The following ZNF704 variants were observed in gnomAD, a reference collection of about 807,000 sequenced individuals.
ZNF704 encodes glucocorticoid induced gene 1.
In ZNF704, 10 loss-of-function variants were observed where a neutral mutation model predicts 44.7. That is an observed-to-expected ratio of 0.22 (90% CI 0.14 to 0.38). ZNF704 has a LOEUF of 0.38. Ranked by LOEUF, ZNF704 falls within the 10% of genes least tolerant of loss-of-function variation. The pLI is 1.00. For synonymous variants in ZNF704, 211 were observed against 207.6 expected, an observed-to-expected ratio of 1.02 and a Z score of -0.14; for missense variants, 390 against 545.5, an observed-to-expected ratio of 0.71 and a Z score of 2.84.
chr8:80,644,656 A>G (rs1464008708), intron 7 of ZNF704, among the ~76,000 whole-genome samples: 1 of 152,162 alleles, frequency 6.6e-6, no homozygotes, highest in African/African-American at 2.4e-5. Flanking sequence ...TGCTTCCTCC[A>G]TCTGCCAAGT....
chr8:80,710,477 T>A (rs978290397), intron 2 of ZNF704, among the ~76,000 whole-genome samples: 1 of 152,102 alleles, frequency 6.6e-6, no homozygotes, highest in Non-Finnish European at 1.5e-5. Context: ...ACAGTATGTA[T>A]GTGTTACGAC....
chr8:80,858,392 T>G (rs771804389), intron 1 of ZNF704, among the ~76,000 whole-genome samples: 2 of 152,250 alleles, frequency 1.3e-5, no homozygotes, highest in Non-Finnish European at 2.9e-5. Flanking sequence ...TAAACTATTT[T>G]ACTAATCACT....
At chr8:80,774,081 T>G (rs545834055) in intron 2 of ZNF704, among the ~76,000 whole-genome samples, 6 of 151,566 alleles carry the variant, frequency 4.0e-5, no homozygotes, top group Admixed American at 3.9e-4. Flanking sequence ...AGGGTCTCAC[T>G]CTGTTGCGCC....
intron 7 of ZNF704, among the ~76,000 whole-genome samples, chr8:80,652,928 T>C (rs958369363): frequency 1.4e-4 from 21 of 152,200 alleles, no homozygotes; most frequent in Non-Finnish European, 1.9e-4. Flanking sequence ...AATAAAATAC[T>C]GGCAAACCAA....
intron 1 of ZNF704, among the ~76,000 whole-genome samples, chr8:80,849,398 G>A (rs955352410): frequency 6.6e-6 from 1 of 152,068 alleles, no homozygotes; most frequent in African/African-American, 2.4e-5. Context: ...CCTCCTCACG[G>A]CAAGCACAGC....
chr8:80,861,177 A>G (rs1450298821), intron 1 of ZNF704, among the ~76,000 whole-genome samples: 3 of 152,210 alleles, frequency 2.0e-5, no homozygotes, highest in Admixed American at 6.5e-5. Context: ...AGAAAGAGTG[A>G]GGAAAGAAAA....
At chr8:80,816,763 A>G (rs1319415344) in intron 2 of ZNF704, among the ~76,000 whole-genome samples, 1 of 152,226 alleles carries the variant, frequency 6.6e-6, no homozygotes, top group Non-Finnish European at 1.5e-5. Context: ...GTGCTCTCAC[A>G]TACTCTTGCC....
At chr8:80,883,942 C>T in the ZNF704 span, among the ~76,000 whole-genome samples, 1 of 152,180 alleles carries the variant, frequency 6.6e-6, no homozygotes, top group Admixed American at 6.5e-5. Context: ...TCAAGCTCTT[C>T]CAGGGGAAGA....
At chr8:80,771,475 G>C (rs932999108) in intron 2 of ZNF704, among the ~76,000 whole-genome samples, 1 of 152,086 alleles carries the variant, frequency 6.6e-6, no homozygotes, top group Admixed American at 6.5e-5. Context: ...AAATGATACT[G>C]TATTTTAAAT....
intron 2 of ZNF704, among the ~76,000 whole-genome samples, chr8:80,709,313 G>A (rs937856562): frequency 6.6e-6 from 1 of 151,658 alleles, no homozygotes; most frequent in Non-Finnish European, 1.5e-5. Flanking sequence ...GCATGGTGGC[G>A]GGCGCGTGTA....
chr8:80,833,803 A>G (rs367641609), intron 1 of ZNF704, among the ~76,000 whole-genome samples: 2 of 152,276 alleles, frequency 1.3e-5, no homozygotes, highest in East Asian at 1.9e-4. Flanking sequence ...GCACTGGTTT[A>G]ATCATAGGGC....
intron 2 of ZNF704, among the ~76,000 whole-genome samples, chr8:80,747,650 A>G (rs926270422): frequency 1.3e-5 from 2 of 152,368 alleles, no homozygotes; most frequent in African/African-American, 4.8e-5. Context: ...ATCAGCAATT[A>G]TGATGAAAGC....
At position 80,862,206 on chromosome 8, in the gene ZNF704, A is replaced by T. The variant is rs73270387; in HGVS notation, c.-22+12365T>A. ...AAAAAATGACTTTTTCAAACATCAA[A>T]CCATTAACTTGTAAATGAATTTAAC... is the stretch of plus-strand genomic sequence containing the variant. On this transcript the variant is annotated intron_variant, in intron 1 of 8. Coordinates refer to ENST00000327835, the MANE Select transcript of ZNF704 (RefSeq NM_001033723.3). Among the ~76,000 whole-genome samples, 546 of 151,636 alleles carry T rather than the reference A, an allele frequency of 3.6e-3. 3 individuals are homozygous for T. The highest frequency in any genetic ancestry group is 0.012 in the African/African-American group (511 of 41,372).
At chr8:80,765,945 C>T (rs1807220075) in intron 2 of ZNF704, among the ~76,000 whole-genome samples, 1 of 152,068 alleles carries the variant, frequency 6.6e-6, no homozygotes, top group Non-Finnish European at 1.5e-5. Flanking sequence ...AGCAATAATT[C>T]ATTAGTGTAG....
chr8:80,833,153 C>G (rs1808497322), intron 1 of ZNF704, among the ~76,000 whole-genome samples: 1 of 152,142 alleles, frequency 6.6e-6, no homozygotes, highest in South Asian at 2.1e-4. Context: ...CAAGGCCATC[C>G]TGGCTAACAT....
At chr8:80,860,495 C>T (rs1297883379) in intron 1 of ZNF704, among the ~76,000 whole-genome samples, 1 of 152,148 alleles carries the variant, frequency 6.6e-6, no homozygotes, top group Non-Finnish European at 1.5e-5. Context: ...GGTCTTTCTC[C>T]TGTTGTTTTA....
chr8:80,794,590 T>G (rs1369701272), intron 2 of ZNF704, among the ~76,000 whole-genome samples: 1 of 152,194 alleles, frequency 6.6e-6, no homozygotes, highest in Non-Finnish European at 1.5e-5. Flanking sequence ...TATGTCTAAC[T>G]TATTCTCAGG....
At chr8:80,751,747 T>TTTTG (rs201192552) in intron 2 of ZNF704, among the ~76,000 whole-genome samples, 2 of 152,142 alleles carry the variant, frequency 1.3e-5, no homozygotes, top group Non-Finnish European at 2.9e-5. Context: ...CAGGATTCTT[T>TTTTG]TTTGTTTGTT....
intron 4 of ZNF704, 24 bp from the exon 5 acceptor site, chr8:80,670,627 T>G: frequency 6.8e-7 from 1 of 1,480,128 alleles, no homozygotes; most frequent in Non-Finnish European, 9.4e-7. Flanking sequence ...AGAGTGATAT[T>G]AGAATGGAAA....
Sources: gnomAD v4.1 joint callset for allele counts (sites outside exome capture counted in the v4.1 genomes callset) on GRCh38, gnomAD v4.1.1 for gene constraint, MANE v1.5 for transcripts, NCBI Gene and HGNC (gene_info 2026-07-23, HGNC 2026-07-21) for gene names.